The following NME4 variants were observed in gnomAD, a reference collection of about 807,000 sequenced individuals.
NME4 encodes the protein NME/NM23 nucleoside diphosphate kinase 4.
Under a neutral mutation model 16.4 loss-of-function variants are expected in NME4, and 21 were observed. That is an observed-to-expected ratio of 1.28 (90% CI 0.91 to 1.84). The LOEUF is 1.84. NME4 is among the 40% of genes most tolerant of loss of function. NME4 has a pLI of 0.00. For missense variants in NME4, 316 were observed against 261.3 expected (o/e 1.21, Z -1.44); for synonymous variants, 132 against 107.5 (o/e 1.23, Z -1.41).
Position 399,484 on chromosome 16 carries a change from C to G in NME4, c.327+4C>G. The G allele has an allele frequency of 6.2e-7, 1 of 1,612,126 alleles. No homozygotes were observed. The highest frequency in any genetic ancestry group is 8.5e-7 in the Non-Finnish European group (1 of 1,179,420). ...CTCTGGGCCTGTGGTGGCCATGGTA[C>G]GGCAGGGCAGGGGTGGTGGAAGGGC... On this transcript the variant is annotated splice_donor_region_variant and intron_variant, in intron 3 of 4. Coordinates refer to ENST00000219479, the MANE Select transcript of NME4 (RefSeq NM_005009.3).
At chr16:397,423 T>C (rs1180810823) in intron 1 of NME4, 110 bp downstream of exon 1, 9 of 307,736 alleles carry the variant, frequency 2.9e-5, no homozygotes, top group Non-Finnish European at 4.3e-5. Flanking sequence ...CCCAGAGGCC[T>C]CGGGGCGCGG....
At chr16:397,740 G>C (rs1249568448) in intron 1 of NME4, 2 of 1,245,228 alleles carry the variant, frequency 1.6e-6, no homozygotes, top group Non-Finnish European at 2.1e-6. Context: ...GGGTGGGGGT[G>C]GGGGGAGCCG....
upstream of NME4, chr16:397,162 G>A (rs1008803239): frequency 1.7e-4 from 125 of 751,280 alleles, no homozygotes; most frequent in Non-Finnish European, 1.7e-4. Context: ...GGCGGGTCTC[G>A]GGCTGGCACC....
chr16:399,332 G>A, intron 2 of NME4, 47 bp from the exon 3 acceptor site: 1 of 1,569,708 alleles, frequency 6.4e-7, no homozygotes, highest in Non-Finnish European at 8.8e-7. Flanking sequence ...CTGTGCTAGT[G>A]CCCACGTTTA....
At chr16:397,118 C>G (rs1333447115), upstream of NME4, 1 of 81,720 alleles carries the variant, frequency 1.2e-5, no homozygotes, top group South Asian at 4.3e-4. Flanking sequence ...CGGCGGGGGG[C>G]TCCGGGGCGG....
rs572536873 is a variant in NME4 at position 397,898 on chromosome 16, G to A, written c.91+585G>A. 44 of 1,553,966 alleles carry A rather than the reference G, an allele frequency of 2.8e-5. No homozygotes were observed. The African/African-American group carries it at 4.4e-4, about 15-fold the overall frequency. ...TCCCAGGGCTCCCTCCATCGGCTCT[G>A]AAAAGTGAGCCGCCGCCTGCAATGC... On this transcript the variant is annotated intron_variant, in intron 1 of 4. Transcript: ENST00000219479.
intron 4 of NME4, 168 bp from the exon 5 acceptor site, chr16:400,051 C>G (rs903425799): frequency 1.2e-5 from 13 of 1,063,544 alleles, no homozygotes; most frequent in Non-Finnish European, 1.9e-5. Flanking sequence ...TGTAAGAGGC[C>G]GAGGCCAGGC....
In NME4 at chr16:397,919, A is replaced by G. The variant is rs2054581784; in HGVS notation, c.91+606A>G. 2.6e-6 allele frequency: 4 copies of G among 1,551,378 alleles called. No homozygotes were observed. The African/African-American group carries it at 4.1e-5, about 16-fold the overall frequency. Reference sequence around the variant, plus strand: ...CTCTGAAAAGTGAGCCGCCGCCTGCAATGCCCGCACCAGCCGCAGCAGAGC... The same window carrying G: ...CTCTGAAAAGTGAGCCGCCGCCTGCGATGCCCGCACCAGCCGCAGCAGAGC... On this transcript the variant is annotated intron_variant, in intron 1 of 4. Coordinates refer to ENST00000219479, the MANE Select transcript of NME4 (RefSeq NM_005009.3).
upstream of NME4, chr16:397,119 T>A: frequency 6.8e-6 from 1 of 146,066 alleles, no homozygotes; most frequent in Non-Finnish European, 7.9e-6. Context: ...GGCGGGGGGC[T>A]CCGGGGCGGC....
chr16:400,091 C>A, intron 4 of NME4, 128 bp from the exon 5 acceptor site: 1 of 1,384,062 alleles, frequency 7.2e-7, no homozygotes, highest in East Asian at 2.3e-5. Context: ...TCCACTGTTA[C>A]TCCTTCCCTG....
In NME4 at chr16:397,308, G is replaced by T. The variant is rs1392365158; in HGVS notation, c.86G>T (p.Gly29Val). The T allele has an allele frequency of 3.5e-5, 37 of 1,050,380 alleles. No individual in the cohort carries two copies. The highest frequency in any genetic ancestry group is 4.1e-5 in the Non-Finnish European group (36 of 871,868). The allele number at this position is 1,050,380 out of a possible 1,614,324, so 65.1% of individuals were successfully genotyped here. Reference sequence around the variant, plus strand: ...GGCCCGAGCCTGCTAGTGCGCCACGGCTCGGGTGAGTGGGGCCGCGCGCCC... The same window carrying T: ...GGCCCGAGCCTGCTAGTGCGCCACGTCTCGGGTGAGTGGGGCCGCGCGCCC... ...APGPSLLVRH[G>V]SGGPSWTRER... Residue 29 changes from glycine (G) to valine (V), a missense_variant, in exon 1 of 5, where the codon GGC (glycine) becomes GTC (valine). By Grantham distance (109) the Gly-to-Val change is moderately radical. Transcript: ENST00000219479.
intron 1 of NME4, chr16:398,433 A>C: frequency 8.4e-7 from 1 of 1,196,686 alleles, no homozygotes; most frequent in Non-Finnish European, 1.1e-6. Context: ...CATTCACCTC[A>C]GACACAGGGT....
chr16:400,291 G>GC lies in NME4; in HGVS notation c.514dup (p.Leu172ProfsTer66). ...TCCAGCTGTGGTTCCAGAGCAGTGA[G>GC]CTGGTGAGCTGGGCAGACGGGGGCC... On this transcript the variant is annotated frameshift_variant, in exon 5 of 5. Coordinates refer to ENST00000219479, the MANE Select transcript of NME4 (RefSeq NM_005009.3). LOFTEE classifies it high-confidence loss of function. The GC allele has an allele frequency of 6.2e-7, 1 of 1,607,014 alleles. No homozygotes were observed. The highest frequency in any genetic ancestry group is 8.5e-7 in the Non-Finnish European group (1 of 1,177,096).
At position 397,963 on chromosome 16, in the gene NME4, C is replaced by T. The variant is rs148662213; in HGVS notation, c.91+650C>T. The T allele has an allele frequency of 2.8e-3, 4,324 of 1,546,170 alleles. 103 individuals are homozygous for T. In the African/African-American group the frequency reaches 0.05, roughly 18 times the overall value. ...GCAGAGCCCCAGGCTACACAAGGCG[C>T]CCTGCAAACTGGGTTTTGGGGGAAC... On this transcript the variant is annotated intron_variant, in intron 1 of 4. Coordinates refer to ENST00000219479, the MANE Select transcript of NME4 (RefSeq NM_005009.3).
chr16:399,027 G>A lies in NME4; in HGVS notation c.129G>A (p.Ala43=), dbSNP rs370029465. The A allele has an allele frequency of 5.5e-5, 88 of 1,609,614 alleles. No individual in the cohort carries two copies. The African/African-American group carries it at 5.7e-4, about 10-fold the overall frequency. Residue 43 remains alanine, a synonymous_variant, in exon 2 of 5, where the codon GCG becomes GCA. Coordinates refer to ENST00000219479, the MANE Select transcript of NME4 (RefSeq NM_005009.3). ...GGACCCGGGAGCGGACCCTGGTGGC[G>A]GTGAAGCCCGATGGCGTGCAACGGC... ...PSWTRERTLV[A]VKPDGVQRRL...
intron 1 of NME4, chr16:397,990 A>G: frequency 1.3e-6 from 2 of 1,542,880 alleles, no homozygotes; most frequent in African/African-American, 1.4e-5. Context: ...TGGGGGAACA[A>G]ACCAACCAGG....
chr16:397,940 A>C, intron 1 of NME4: 1 of 1,549,714 alleles, frequency 6.5e-7, no homozygotes, highest in Non-Finnish European at 8.7e-7. Flanking sequence ...CAGCCGCAGC[A>C]GAGCCCCAGG....
intron 2 of NME4, 37 bp downstream of exon 2, chr16:399,160 G>A: frequency 6.2e-7 from 1 of 1,600,938 alleles, no homozygotes; most frequent in Non-Finnish European, 8.5e-7. Context: ...TCCCTGTGGG[G>A]ATGGGGTTGG....
intron 2 of NME4, 78 bp downstream of exon 2, chr16:399,201 CA>C: frequency 6.3e-7 from 1 of 1,575,806 alleles, no homozygotes; most frequent in Non-Finnish European, 8.7e-7. Context: ...ACATCCCAGC[CA>C]GCGCCGGGGC....
Sources: allele counts gnomAD v4.1 joint callset, GRCh38; gene constraint gnomAD v4.1.1; transcripts MANE v1.5; gene names NCBI Gene and HGNC (gene_info 2026-07-23, HGNC 2026-07-21).